Variants in ZNF804B observed in about 807,000 individuals in gnomAD.
ZNF804B encodes zinc finger 804B.
A neutral mutation model predicts 101.4 loss-of-function variants in ZNF804B; 80 were observed. The ratio of observed to expected loss-of-function variants is 0.79; its 90% CI spans 0.66 to 0.95. ZNF804B has a LOEUF of 0.95. Among genes scored for constraint, ZNF804B ranks in the 40% least tolerant of loss-of-function variants. ZNF804B has a pLI of 0.00. For missense variants in ZNF804B, 1,673 were observed against 1,561.9 expected (o/e 1.07, Z -1.20); for synonymous variants, 622 against 558.8 (o/e 1.11, Z -1.59).
At chr7:88,886,765 A>G (rs1347140012) in intron 1 of ZNF804B, among the ~76,000 whole-genome samples, 1 of 151,728 alleles carries the variant, frequency 6.6e-6, no homozygotes, top group Non-Finnish European at 1.5e-5. Context: ...AAAGTAAAAA[A>G]CTAATTTCTG....
At chr7:88,802,436 C>G (rs1185978224) in intron 1 of ZNF804B, among the ~76,000 whole-genome samples, 1 of 151,980 alleles carries the variant, frequency 6.6e-6, no homozygotes, top group Non-Finnish European at 1.5e-5. Flanking sequence ...TGCTGGCACA[C>G]CTCATTTGCA....
chr7:89,157,423 T>C (rs17308400), intron 1 of ZNF804B, among the ~76,000 whole-genome samples: 30,786 of 152,110 alleles, frequency 0.2, 3,350 homozygotes, highest in Non-Finnish European at 0.23. Flanking sequence ...AAACATGTAC[T>C]AGGACACATC....
At chr7:88,970,360 C>T (rs1315942763) in intron 1 of ZNF804B, among the ~76,000 whole-genome samples, 1 of 147,858 alleles carries the variant, frequency 6.8e-6, no homozygotes, top group African/African-American at 2.4e-5. Context: ...CCCCCACCCC[C>T]ACAACCCTCT....
intron 2 of ZNF804B, among the ~76,000 whole-genome samples, chr7:89,274,204 C>T (rs1789942175): frequency 2.1e-5 from 3 of 144,318 alleles, no homozygotes; most frequent in South Asian, 2.2e-4. Flanking sequence ...TACATGTGCA[C>T]ATTGTGCAGG....
At chr7:89,271,979 AT>A (rs895776983) in intron 2 of ZNF804B, among the ~76,000 whole-genome samples, 6 of 151,988 alleles carry the variant, frequency 3.9e-5, no homozygotes, top group Non-Finnish European at 5.9e-5. Flanking sequence ...GAAGTTAAGG[AT>A]TTTTTAAAAA....
intron 1 of ZNF804B, among the ~76,000 whole-genome samples, chr7:89,176,164 C>T (rs1791315247): frequency 6.6e-6 from 1 of 151,894 alleles, no homozygotes. Context: ...TTCAGTTTCT[C>T]CCCATTCATG....
At chr7:88,768,724 C>T (rs1413441524) in intron 1 of ZNF804B, among the ~76,000 whole-genome samples, 1 of 152,102 alleles carries the variant, frequency 6.6e-6, no homozygotes, top group African/African-American at 2.4e-5. Context: ...TCTCAGAAAA[C>T]AAACAAACAA....
At chr7:89,322,789 C>T (rs923800170) in intron 2 of ZNF804B, among the ~76,000 whole-genome samples, 4 of 152,164 alleles carry the variant, frequency 2.6e-5, no homozygotes, top group African/African-American at 7.2e-5. Flanking sequence ...TAACAAGTTC[C>T]GACAACAACC....
chr7:88,877,059 T>TGAAAAAAAAAATATATATATATAATA (rs1791964041), intron 1 of ZNF804B, among the ~76,000 whole-genome samples: 2 of 69,124 alleles, frequency 2.9e-5, no homozygotes, highest in African/African-American at 7.8e-5. Context: ...ATTTTTTTTT[T>TGAAAAAAAAAATATATATATATAATA]TTTTTTTTTT....
intron 1 of ZNF804B, among the ~76,000 whole-genome samples, chr7:88,893,723 C>A (rs1792246467): frequency 6.6e-6 from 1 of 152,142 alleles, no homozygotes; most frequent in Admixed American, 6.5e-5. Flanking sequence ...CTGTGTGTCA[C>A]AATGTGAAGC....
At chr7:88,834,174 T>G (rs1226362126) in intron 1 of ZNF804B, among the ~76,000 whole-genome samples, 1 of 151,850 alleles carries the variant, frequency 6.6e-6, no homozygotes, top group Admixed American at 6.6e-5. Flanking sequence ...TATGGAATTA[T>G]TTTTTGTTAA....
At chr7:89,025,001 AC>A (rs1788727392) in intron 1 of ZNF804B, among the ~76,000 whole-genome samples, 1 of 152,110 alleles carries the variant, frequency 6.6e-6, no homozygotes, top group Admixed American at 6.6e-5. Flanking sequence ...ATGCAGCCGT[AC>A]AACCCACATG....
chr7:89,024,663 A>G lies in ZNF804B; in HGVS notation c.109-193492A>G, dbSNP rs1241127628. Among the ~76,000 whole-genome samples, 11 of 7,124 alleles carry G rather than the reference A, an allele frequency of 1.5e-3. No homozygotes were observed. The African/African-American group carries it at 0.017, about 11-fold the overall frequency. 4.7% of individuals were successfully genotyped at this position (7,124 alleles called of 152,430 possible). A position where few individuals can be genotyped will look rare whatever the true frequency, so the allele number is the denominator to read the frequency against. ...TCTCAGAGAAGAGTATCATTCTTGA[A>G]AAAAAAAAAAAAAAAAAGATGTGAA... On this transcript the variant is annotated intron_variant, in intron 1 of 3. Transcript: ENST00000333190.
chr7:89,025,176 C>G (rs1344468604), intron 1 of ZNF804B, among the ~76,000 whole-genome samples: 1 of 152,020 alleles, frequency 6.6e-6, no homozygotes, highest in Non-Finnish European at 1.5e-5. Context: ...GTTAGCAGAA[C>G]TCAGAGTCAG....
chr7:89,198,777 A>T (rs550091350), intron 1 of ZNF804B, among the ~76,000 whole-genome samples: 208 of 151,932 alleles, frequency 1.4e-3, no homozygotes, highest in Non-Finnish European at 2.4e-3. Flanking sequence ...CAAAAAACCT[A>T]GTCCATGTGT....
chr7:88,921,138 T>C (rs1177328786), intron 1 of ZNF804B, among the ~76,000 whole-genome samples: 1 of 151,966 alleles, frequency 6.6e-6, no homozygotes, highest in Admixed American at 6.6e-5. Flanking sequence ...AGGGTGAGTG[T>C]GAGGTGGAAG....
chr7:88,873,361 T>G (rs374066775), intron 1 of ZNF804B, among the ~76,000 whole-genome samples: 12 of 152,252 alleles, frequency 7.9e-5, no homozygotes, highest in East Asian at 1.9e-4. Context: ...TGTAGATTCT[T>G]GATATTAGCC....
At chr7:89,297,867 T>C (rs1220762337) in intron 2 of ZNF804B, among the ~76,000 whole-genome samples, 1 of 151,598 alleles carries the variant, frequency 6.6e-6, no homozygotes, top group East Asian at 1.9e-4. Flanking sequence ...GAAATTTAGA[T>C]AGCACTATTT....
chr7:89,100,693 C>A (rs952909562), intron 1 of ZNF804B, among the ~76,000 whole-genome samples: 15 of 151,944 alleles, frequency 9.9e-5, no homozygotes, highest in African/African-American at 3.6e-4. Flanking sequence ...ACACAAATGG[C>A]AAACACATTC....
Sources: allele counts gnomAD v4.1 joint callset (sites outside exome capture counted in the v4.1 genomes callset), GRCh38; gene constraint gnomAD v4.1.1; transcripts MANE v1.5; gene names NCBI Gene and HGNC (gene_info 2026-07-23, HGNC 2026-07-21).